Variants in PRSS16 observed in about 807,000 individuals in gnomAD.
PRSS16 encodes the protein thymus-specific serine protease.
Under a neutral mutation model 61.7 loss-of-function variants are expected in PRSS16, and 43 were observed. That is an observed-to-expected ratio of 0.70 (90% confidence interval 0.55 to 0.90). The LOEUF is 0.90. Ranked by LOEUF, PRSS16 falls within the 40% of genes least tolerant of loss-of-function variation. The pLI is 0.00. For synonymous variants in PRSS16, 273 were observed against 285.2 expected, an observed-to-expected ratio of 0.96 and a Z score of 0.43; for missense variants, 591 against 659.1, an observed-to-expected ratio of 0.90 and a Z score of 1.13.
At position 27,248,156 on chromosome 6, in the gene PRSS16, C is replaced by T. The variant is rs979015494; in HGVS notation, c.237+108C>T. 24 of 1,266,136 alleles carry T rather than the reference C, an allele frequency of 1.9e-5. No individual in the cohort carries two copies. The Middle Eastern group carries it at 1.7e-3, about 91-fold the overall frequency. 78.4% of individuals were successfully genotyped at this position (1,266,136 alleles called of 1,614,324 possible). A position where few individuals can be genotyped will look rare whatever the true frequency, so the allele number is the denominator to read the frequency against. On this transcript the variant is annotated intron_variant, in intron 2 of 11. Coordinates refer to ENST00000230582, the MANE Select transcript of PRSS16 (RefSeq NM_005865.4). ...TCTCTCTCCACACCTCAGTTCTCCC[C>T]ATCCCTCTGCTTGAATCTCATGTTA... is the stretch of plus-strand genomic sequence containing the variant.
At position 27,248,960 on chromosome 6, in the gene PRSS16, T is replaced by A; in HGVS notation, c.337+14T>A. 1 of 1,594,464 alleles carries A rather than the reference T, an allele frequency of 6.3e-7. No individual in the cohort carries two copies. Among genetic ancestry groups the A allele is most frequent in the Non-Finnish European group, 8.6e-7 (1 of 1,166,944 alleles). Reference sequence around the variant, plus strand: ...CAGTGATGAGAGGTAAGAGGCAATGTTGGGGGAAAGGAGTTGGGATGCTGG... The same window carrying A: ...CAGTGATGAGAGGTAAGAGGCAATGATGGGGGAAAGGAGTTGGGATGCTGG... On this transcript the variant is annotated intron_variant, in intron 3 of 11. Transcript: ENST00000230582.
In PRSS16 at chr6:27,249,106, C is replaced by A; in HGVS notation, c.344C>A (p.Pro115His). Residue 115 changes from proline to histidine, a missense_variant, in exon 4 of 12, where the codon CCC becomes CAC. Coordinates refer to ENST00000230582, the MANE Select transcript of PRSS16 (RefSeq NM_005865.4). The stretch of plus-strand genomic sequence containing the variant: ...ACCCATACACTCTTCACAGGCCATC[C>A]CGCAGCCTTGGCCCCAGCCTGGGGC... The part of the protein sequence containing the change: ...LGPGSVMRGH[P>H]AALAPAWGAL... 1 of 1,355,082 alleles carries A rather than the reference C, an allele frequency of 7.4e-7. No homozygotes were observed. The highest frequency in any genetic ancestry group is 9.9e-7 in the Non-Finnish European group (1 of 1,005,310). 83.9% of individuals were successfully genotyped at this position (1,355,082 alleles called of 1,614,324 possible).
chr6:27,251,728 C>T lies in PRSS16; in HGVS notation c.718-22C>T, dbSNP rs1395750326. On this transcript the variant is annotated intron_variant, in intron 7 of 11. Transcript: ENST00000230582. This position sits in a 1 kb window ranked among gnomAD's most constrained non-coding sequence, Gnocchi z 5.6. ...GAGGCCCAGCCTAAGTCTTGGCGGA[C>T]ATCGCCTCTTGCTTCCCACAGTGCC... 1 of 1,579,852 alleles carries T rather than the reference C, an allele frequency of 6.3e-7. No homozygotes were observed. Among genetic ancestry groups the T allele is most frequent in the Admixed American group, 1.9e-5 (1 of 51,836 alleles).
chr6:27,252,199 T>A lies in PRSS16; in HGVS notation c.1008+159T>A. 1 of 909,534 alleles carries A rather than the reference T, an allele frequency of 1.1e-6. No individual in the cohort carries two copies. Among genetic ancestry groups the A allele is most frequent in the Non-Finnish European group, 1.6e-6 (1 of 634,932 alleles). 56.3% of individuals were successfully genotyped at this position (909,534 alleles called of 1,614,324 possible). On this transcript the variant is annotated intron_variant, in intron 8 of 11. Coordinates refer to ENST00000230582, the MANE Select transcript of PRSS16 (RefSeq NM_005865.4). This position sits in a 1 kb window ranked among gnomAD's most constrained non-coding sequence, Gnocchi z 4.2. ...TCACAGGGCCGATGGGAAGATGAAA[T>A]GAGGCGGGTCATGTAGAGCAATCAG...
rs1316034060 is a variant in PRSS16 at position 27,256,079 on chromosome 6, C to G, written c.*764C>G. On this transcript the variant is annotated 3_prime_UTR_variant, in exon 12 of 12. Transcript: ENST00000230582. ...TCTCCCTGAGGCTCTATTTCTGTCT[C>G]TCCTCTGCTGTGTCCTCAATCTCTC... 1 of 152,732 alleles carries G rather than the reference C, an allele frequency of 6.5e-6. No homozygotes were observed. Among genetic ancestry groups the G allele is most frequent in the African/African-American group, 2.4e-5 (1 of 41,442 alleles). 9.5% of individuals were successfully genotyped at this position (152,732 alleles called of 1,614,324 possible).
At chr6:27,250,421 C>A (rs560241828) in intron 4 of PRSS16, among the ~76,000 whole-genome samples, 1 of 152,188 alleles carries the variant, frequency 6.6e-6, no homozygotes, top group Admixed American at 6.5e-5. Context: ...AATTTTTCCT[C>A]TCCTACCTAA....
Position 27,251,537 on chromosome 6 carries a change from A to C in PRSS16, c.718-213A>C. 1 of 608,174 alleles carries C rather than the reference A, an allele frequency of 1.6e-6. No individual in the cohort carries two copies. The highest frequency in any genetic ancestry group is 2.5e-6 in the Non-Finnish European group (1 of 401,528). 37.7% of individuals were successfully genotyped at this position (608,174 alleles called of 1,614,324 possible). A position where few individuals can be genotyped will look rare whatever the true frequency, so the allele number is the denominator to read the frequency against. On this transcript the variant is annotated intron_variant, in intron 7 of 11. Coordinates refer to ENST00000230582, the MANE Select transcript of PRSS16 (RefSeq NM_005865.4). The surrounding 1 kb of genome is among the most constrained non-coding windows in gnomAD (Gnocchi z 5.6). ...AGGTGGGGCGGGGCCACAATGGAGGACGGGGCCTGCAGGGAAGACCCGAGA... is the reference window on the plus strand; with the variant it reads ...AGGTGGGGCGGGGCCACAATGGAGGCCGGGGCCTGCAGGGAAGACCCGAGA...
Position 27,251,159 on chromosome 6 carries a change from C to T in PRSS16, c.669+40C>T. 6.2e-7 allele frequency: 1 copy of T among 1,613,932 alleles called. No homozygotes were observed. The highest frequency in any genetic ancestry group is 8.5e-7 in the Non-Finnish European group (1 of 1,179,978). ...CAGCAGGTGCGGGACGGGGAGGGGT[C>T]CCAGCGGGCGGAGTCCCTTGACACT... On this transcript the variant is annotated intron_variant, in intron 6 of 11. Coordinates refer to ENST00000230582, the MANE Select transcript of PRSS16 (RefSeq NM_005865.4). This position sits in a 1 kb window ranked among gnomAD's most constrained non-coding sequence, Gnocchi z 5.6.
chr6:27,253,410 C>G, intron 9 of PRSS16: 1 of 395,382 alleles, frequency 2.5e-6, no homozygotes. Context: ...GCCGGGATCC[C>G]TTCCCAGCCG....
chr6:27,247,827 C>A lies in PRSS16; in HGVS notation c.70+20C>A, dbSNP rs141493681. 1,021 of 1,613,682 alleles carry A rather than the reference C, an allele frequency of 6.3e-4. 13 individuals are homozygous for A. In the African/African-American group the frequency reaches 0.013, roughly 20 times the overall value. On this transcript the variant is annotated intron_variant, in intron 1 of 11. Transcript: ENST00000230582. ...CTCCAGGTAAGAGGAGGCTGAGGGTCAAGCAGGGCATCCTAAGGGGGCCAG... is the reference window on the plus strand; with the variant it reads ...CTCCAGGTAAGAGGAGGCTGAGGGTAAAGCAGGGCATCCTAAGGGGGCCAG...
In PRSS16 at chr6:27,252,415, C is replaced by T; in HGVS notation, c.1008+375C>T. ...GGGTTCTCCTAGGTACCTGGGACTGCAGCCTCTAAATCCACAACTGCAATC... is the reference window on the plus strand; with the variant it reads ...GGGTTCTCCTAGGTACCTGGGACTGTAGCCTCTAAATCCACAACTGCAATC... On this transcript the variant is annotated intron_variant, in intron 8 of 11. Coordinates refer to ENST00000230582, the MANE Select transcript of PRSS16 (RefSeq NM_005865.4). The surrounding 1 kb of genome is among the most constrained non-coding windows in gnomAD (Gnocchi z 4.2). 2.7e-6 allele frequency: 1 copy of T among 371,712 alleles called. No individual in the cohort carries two copies. The highest frequency in any genetic ancestry group is 4.8e-6 in the Non-Finnish European group (1 of 207,290). 23.0% of individuals were successfully genotyped at this position (371,712 alleles called of 1,614,324 possible). A position where few individuals can be genotyped will look rare whatever the true frequency, so the allele number is the denominator to read the frequency against.
chr6:27,254,340 A>C, intron 9 of PRSS16: 1 of 197,202 alleles, frequency 5.1e-6, no homozygotes, highest in Admixed American at 5.5e-5. Flanking sequence ...AGCTCCGAGC[A>C]TTCCAGACCT....
Position 27,251,564 on chromosome 6 carries a change from G to A in PRSS16, c.718-186G>A. 1 of 744,340 alleles carries A rather than the reference G, an allele frequency of 1.3e-6. No individual in the cohort carries two copies. The highest frequency in any genetic ancestry group is 2.1e-6 in the Non-Finnish European group (1 of 483,032). The allele number at this position is 744,340 out of a possible 1,614,324, so 46.1% of individuals were successfully genotyped here. A position where few individuals can be genotyped will look rare whatever the true frequency, so the allele number is the denominator to read the frequency against. On this transcript the variant is annotated intron_variant, in intron 7 of 11. Coordinates refer to ENST00000230582, the MANE Select transcript of PRSS16 (RefSeq NM_005865.4). The surrounding 1 kb of genome is among the most constrained non-coding windows in gnomAD (Gnocchi z 5.6). ...GGGGCCTGCAGGGAAGACCCGAGAAGGAGGGCTGCGAGGCAGGGGATTGGG... is the reference window on the plus strand; with the variant it reads ...GGGGCCTGCAGGGAAGACCCGAGAAAGAGGGCTGCGAGGCAGGGGATTGGG...
At position 27,255,466 on chromosome 6, in the gene PRSS16, A is replaced by C; in HGVS notation, c.*151A>C. The C allele has an allele frequency of 2.7e-6, 2 of 727,856 alleles. No individual in the cohort carries two copies. Among genetic ancestry groups the C allele is most frequent in the Non-Finnish European group, 4.5e-6 (2 of 443,734 alleles). The allele number at this position is 727,856 out of a possible 1,614,324, so 45.1% of individuals were successfully genotyped here. On this transcript the variant is annotated 3_prime_UTR_variant, in exon 12 of 12. Coordinates refer to ENST00000230582, the MANE Select transcript of PRSS16 (RefSeq NM_005865.4). The surrounding 1 kb of genome is among the most constrained non-coding windows in gnomAD (Gnocchi z 4.4). Reference sequence around the variant, plus strand: ...GCACGTAATTGGCATGTGTCTGCAAACATCCTTATTCCCAACTTAAAGTGC... The same window carrying C: ...GCACGTAATTGGCATGTGTCTGCAACCATCCTTATTCCCAACTTAAAGTGC...
chr6:27,254,877 G>A lies in PRSS16; in HGVS notation c.1330+5G>A, dbSNP rs1055599128. 3 of 1,613,582 alleles carry A rather than the reference G, an allele frequency of 1.9e-6. No individual in the cohort carries two copies. The highest frequency in any genetic ancestry group is 2.7e-5 in the African/African-American group (2 of 74,908). ...ACAAAGTGCTGTTTGTTAATGGTGA[G>A]CATGCTATCAAAACCTGGCTGCTAA... is the stretch of plus-strand genomic sequence containing the variant. On this transcript the variant is annotated splice_donor_5th_base_variant and intron_variant, in intron 10 of 11. Coordinates refer to ENST00000230582, the MANE Select transcript of PRSS16 (RefSeq NM_005865.4).
At chr6:27,249,938 C>T (rs960976615) in intron 4 of PRSS16, among the ~76,000 whole-genome samples, 8 of 152,152 alleles carry the variant, frequency 5.3e-5, no homozygotes, top group Non-Finnish European at 1.2e-4. Flanking sequence ...CTATTAACGA[C>T]CGCCACCATT....
Position 27,251,814 on chromosome 6 carries a change from C to G in PRSS16, c.782C>G (p.Ala261Gly), listed in dbSNP as rs1311314222. 9.3e-6 allele frequency: 15 copies of G among 1,610,706 alleles called. 1 individual carries two copies. The South Asian group carries it at 1.4e-4, about 15-fold the overall frequency. ...CGGCGGCTGCGCTCGGGTGGGGCGG[C>G]TCAAGCAGCATTGCGGACGGAGCTG... is the stretch of plus-strand genomic sequence containing the variant. The part of the protein sequence containing the change: ...VERRLRSGGA[A>G]QAALRTELSA... Residue 261 changes from alanine (A) to glycine (G), a missense_variant, in exon 8 of 12, where the codon GCT becomes GGT. Transcript: ENST00000230582. This position sits in a 1 kb window ranked among gnomAD's most constrained non-coding sequence, Gnocchi z 5.6.
Position 27,247,825 on chromosome 6 carries a change from G to C in PRSS16, c.70+18G>C, listed in dbSNP as rs201053419. On this transcript the variant is annotated intron_variant, in intron 1 of 11. Transcript: ENST00000230582. ...GGCTCCAGGTAAGAGGAGGCTGAGG[G>C]TCAAGCAGGGCATCCTAAGGGGGCC... The C allele has an allele frequency of 5.6e-6, 9 of 1,613,730 alleles. No homozygotes were observed. The African/African-American group carries it at 1.1e-4, about 19-fold the overall frequency.
chr6:27,252,333 G>A lies in PRSS16; in HGVS notation c.1008+293G>A. 6.7e-6 allele frequency: 3 copies of A among 448,456 alleles called. No individual in the cohort carries two copies. Among genetic ancestry groups the A allele is most frequent in the Non-Finnish European group, 1.2e-5 (3 of 255,984 alleles). The allele number at this position is 448,456 out of a possible 1,614,324, so 27.8% of individuals were successfully genotyped here. On this transcript the variant is annotated intron_variant, in intron 8 of 11. Transcript: ENST00000230582. The surrounding 1 kb of genome is among the most constrained non-coding windows in gnomAD (Gnocchi z 4.2). ...GGGCCTGCAGGAGTGCCTGGCACAT[G>A]GCAAATTCTCACTTAGTATTTTTAG...
Sources: allele counts gnomAD v4.1 joint callset (sites outside exome capture counted in the v4.1 genomes callset), GRCh38; gene constraint gnomAD v4.1.1; non-coding constraint Gnocchi (gnomAD v3.1); transcripts MANE v1.5; gene names NCBI Gene and HGNC (gene_info 2026-07-23, HGNC 2026-07-21).